The following AKT3 variants were observed in gnomAD, a reference collection of about 807,000 sequenced individuals.
The protein encoded by AKT3 is RAC-gamma serine/threonine-protein kinase.
Under a neutral mutation model 65.3 loss-of-function variants are expected in AKT3, and 15 were observed. The ratio of observed to expected loss-of-function variants is 0.23; its 90% CI spans 0.15 to 0.35. The LOEUF is 0.35. Among genes scored for constraint, AKT3 ranks in the 10% least tolerant of loss-of-function variants. AKT3 has a pLI of 1.00. For missense variants in AKT3, 243 were observed against 576.5 expected (o/e 0.42, Z 5.92); for synonymous variants, 206 against 183.8 (o/e 1.12, Z -0.98).
intron 12 of AKT3, among the ~76,000 whole-genome samples, chr1:243,514,069 G>A (rs766603426): frequency 3.9e-5 from 6 of 152,078 alleles, no homozygotes; most frequent in Admixed American, 1.3e-4. Context: ...GGCAGAAAAC[G>A]GGAAGACTGG....
At chr1:243,790,182 C>T (rs1431761996) in intron 2 of AKT3, among the ~76,000 whole-genome samples, 1 of 152,220 alleles carries the variant, frequency 6.6e-6, no homozygotes, top group Non-Finnish European at 1.5e-5. Flanking sequence ...ATTGACTTCT[C>T]TCTCTAGCTA....
intron 2 of AKT3, among the ~76,000 whole-genome samples, chr1:243,827,304 A>G (rs1329436130): frequency 6.6e-6 from 1 of 152,142 alleles, no homozygotes; most frequent in Non-Finnish European, 1.5e-5. Context: ...CTCATTCTCC[A>G]TTCCACTTCT....
chr1:243,546,897 A>G (rs1416367502), intron 11 of AKT3: 1 of 152,200 alleles, frequency 6.6e-6, no homozygotes, highest in African/African-American at 2.4e-5. Flanking sequence ...ATTGGTTGAC[A>G]TTTTTGTTTA....
chr1:243,678,075 A>G (rs987575771), intron 3 of AKT3, among the ~76,000 whole-genome samples: 1 of 152,126 alleles, frequency 6.6e-6, no homozygotes, highest in African/African-American at 2.4e-5. Flanking sequence ...GCAACAGAGC[A>G]AGACTCTTGT....
At chr1:243,520,711 T>C (rs778917412) in intron 12 of AKT3, among the ~76,000 whole-genome samples, 13 of 152,222 alleles carry the variant, frequency 8.5e-5, no homozygotes, top group Non-Finnish European at 1.2e-4. Context: ...TCAGAAAATG[T>C]AGTATTCAGT....
chr1:243,827,816 TG>T (rs1246501143), intron 2 of AKT3, among the ~76,000 whole-genome samples: 1 of 152,170 alleles, frequency 6.6e-6, no homozygotes, highest in East Asian at 1.9e-4. Flanking sequence ...AATGAATTTT[TG>T]TAATTACTAC....
At chr1:243,680,168 A>T (rs1220126407) in intron 3 of AKT3, among the ~76,000 whole-genome samples, 2 of 152,146 alleles carry the variant, frequency 1.3e-5, no homozygotes, top group Admixed American at 6.6e-5. Context: ...CAACCATAGT[A>T]ATAGATTCTG....
At chr1:243,847,005 C>T (rs1032471086) in intron 1 of AKT3, among the ~76,000 whole-genome samples, 1 of 152,164 alleles carries the variant, frequency 6.6e-6, no homozygotes, top group Non-Finnish European at 1.5e-5. Context: ...GAATCTAATC[C>T]TATCCCATGT....
intron 2 of AKT3, among the ~76,000 whole-genome samples, chr1:243,789,505 T>C (rs536255686): frequency 1.3e-5 from 2 of 152,374 alleles, no homozygotes; most frequent in African/African-American, 4.8e-5. Context: ...TCTAGTTCTC[T>C]TGCTATTTCT....
rs1012693743 is a variant in AKT3, at chr1:243,730,310, C to G, written c.47-34594G>C. On this transcript the variant is annotated intron_variant, in intron 2 of 13. Coordinates refer to ENST00000673466, the MANE Select transcript of AKT3 (RefSeq NM_005465.7). ...CGCTTTGGGTCTCCTCTCTGCTGAG[C>G]TGTTCTGCTACTCAGTAAAACTTCT... Among the ~76,000 whole-genome samples, 7 of 152,208 alleles carry G rather than the reference C, an allele frequency of 4.6e-5. No individual in the cohort carries two copies. The South Asian group carries it at 1.4e-3, about 32-fold the overall frequency.
At chr1:243,634,834 C>A (rs1484234641) in intron 6 of AKT3, among the ~76,000 whole-genome samples, 1 of 151,896 alleles carries the variant, frequency 6.6e-6, no homozygotes, top group African/African-American at 2.4e-5. Flanking sequence ...AAAGCAATGA[C>A]CATTTTACAA....
upstream of AKT3, among the ~76,000 whole-genome samples, chr1:243,850,567 C>T (rs541303421): frequency 3.9e-4 from 59 of 151,436 alleles, no homozygotes; most frequent in South Asian, 0.011. Flanking sequence ...CTCCTTCCTC[C>T]CGCTCGGGGC....
chr1:243,767,778 G>A (rs1689925704), intron 2 of AKT3, among the ~76,000 whole-genome samples: 1 of 151,964 alleles, frequency 6.6e-6, no homozygotes. Context: ...TGATTACATG[G>A]GTGCTGATTA....
At chr1:243,787,762 T>C (rs1176977904) in intron 2 of AKT3, among the ~76,000 whole-genome samples, 2 of 152,204 alleles carry the variant, frequency 1.3e-5, no homozygotes, top group Admixed American at 6.5e-5. Context: ...ATGAATTTCA[T>C]CTTCTGGAAG....
At chr1:243,811,540 G>T (rs1693154137) in intron 2 of AKT3, among the ~76,000 whole-genome samples, 2 of 152,106 alleles carry the variant, frequency 1.3e-5, no homozygotes, top group Non-Finnish European at 2.9e-5. Context: ...ACAAATGGAA[G>T]AACATTCCAT....
At chr1:243,756,818 T>C (rs1480197587) in intron 2 of AKT3, among the ~76,000 whole-genome samples, 1 of 152,196 alleles carries the variant, frequency 6.6e-6, no homozygotes, top group Non-Finnish European at 1.5e-5. Context: ...TGGAGAAAAC[T>C]AGTAGTCACT....
At chr1:243,556,620 T>TG (rs1673424782) in intron 10 of AKT3, among the ~76,000 whole-genome samples, 1 of 152,112 alleles carries the variant, frequency 6.6e-6, no homozygotes, top group Non-Finnish European at 1.5e-5. Flanking sequence ...TGCACACCTA[T>TG]GCTGTGAAAG....
At chr1:243,729,595 G>A (rs1266786208) in intron 2 of AKT3, among the ~76,000 whole-genome samples, 1 of 152,046 alleles carries the variant, frequency 6.6e-6, no homozygotes, top group African/African-American at 2.4e-5. Flanking sequence ...TATCTTAACT[G>A]TCTAATGATC....
chr1:243,773,991 TTGAACAGAG>T (rs1158152327), intron 2 of AKT3, among the ~76,000 whole-genome samples: 2 of 152,170 alleles, frequency 1.3e-5, no homozygotes, highest in Non-Finnish European at 2.9e-5. Flanking sequence ...GAGATCTCTT[TTGAACAGAG>T]TGAACAGAGA....
Sources: allele counts gnomAD v4.1 joint callset (sites outside exome capture counted in the v4.1 genomes callset), GRCh38; gene constraint gnomAD v4.1.1; transcripts MANE v1.5; gene names NCBI Gene and HGNC (gene_info 2026-07-23, HGNC 2026-07-21).